Variants in PTPRM observed in about 807,000 individuals in gnomAD.
The protein encoded by PTPRM is protein tyrosine phosphatase receptor type M.
In PTPRM, 47 loss-of-function variants were observed where a neutral mutation model predicts 186.7. The ratio of observed to expected loss-of-function variants is 0.25; its 90% confidence interval spans 0.20 to 0.32. The LOEUF (loss-of-function observed/expected upper bound fraction) is 0.32. Ranked by LOEUF, PTPRM falls within the 10% of genes least tolerant of loss-of-function variation. The probability of loss-of-function intolerance (pLI) is 1.00; values close to 1 mark genes in which losing one functional copy is unlikely to be tolerated. For missense variants in PTPRM, 1,494 were observed against 1,865.0 expected, an observed-to-expected ratio of 0.80 and a Z score of 3.66; for synonymous variants, 668 against 674.9, an observed-to-expected ratio of 0.99 and a Z score of 0.16.
intron 22 of PTPRM, among the ~76,000 whole-genome samples, chr18:8,320,286 C>T (rs1331954474): frequency 6.6e-6 from 1 of 152,148 alleles, no homozygotes; most frequent in Middle Eastern, 3.4e-3. Flanking sequence ...CAGGCTTGGA[C>T]GAAGGGCAAT....
intron 20 of PTPRM, among the ~76,000 whole-genome samples, chr18:8,306,511 C>T (rs603596): frequency 0.11 from 17,103 of 152,240 alleles, 1,805 homozygotes; most frequent in African/African-American, 0.25. Context: ...TTAAAAACTA[C>T]AGCTCAGGTC....
At chr18:7,863,977 T>C (rs2047532029) in intron 2 of PTPRM, among the ~76,000 whole-genome samples, 1 of 152,278 alleles carries the variant, frequency 6.6e-6, no homozygotes, top group Admixed American at 6.5e-5. Flanking sequence ...TTCATTTGTC[T>C]GTTGGCTGCA....
chr18:7,757,012 A>T (rs1365462802), intron 1 of PTPRM, among the ~76,000 whole-genome samples: 1 of 152,140 alleles, frequency 6.6e-6, no homozygotes, highest in Admixed American at 6.5e-5. Context: ...CGCTGCAGCA[A>T]ACTTTTATTC....
chr18:7,689,562 T>G (rs778639707), intron 1 of PTPRM, among the ~76,000 whole-genome samples: 7 of 152,242 alleles, frequency 4.6e-5, no homozygotes, highest in Non-Finnish European at 8.8e-5. Context: ...TCCTGCTCAT[T>G]TTTTAATCAA....
At chr18:8,355,749 GA>G (rs1261552660) in intron 23 of PTPRM, among the ~76,000 whole-genome samples, 1 of 152,182 alleles carries the variant, frequency 6.6e-6, no homozygotes, top group Non-Finnish European at 1.5e-5. Flanking sequence ...CTAATTTCAG[GA>G]AAAGGGAAAA....
At chr18:7,744,083 A>G (rs1320586100) in intron 1 of PTPRM, among the ~76,000 whole-genome samples, 2 of 152,226 alleles carry the variant, frequency 1.3e-5, no homozygotes, top group African/African-American at 4.8e-5. Context: ...AGAATTACTC[A>G]GTAGAGCTTC....
intron 2 of PTPRM, among the ~76,000 whole-genome samples, chr18:7,842,053 C>T (rs554927369): frequency 6.6e-6 from 1 of 151,914 alleles, no homozygotes; most frequent in South Asian, 2.1e-4. Flanking sequence ...GGTGAGGGCA[C>T]CTGGAGCTGA....
intron 8 of PTPRM, among the ~76,000 whole-genome samples, chr18:8,073,426 T>C (rs996608489): frequency 1.3e-5 from 2 of 152,266 alleles, no homozygotes; most frequent in African/African-American, 2.4e-5. Context: ...TGGCCTGTTT[T>C]AGTTCAACTT....
intron 19 of PTPRM, among the ~76,000 whole-genome samples, chr18:8,287,836 AT>A (rs2094974284): frequency 6.6e-6 from 1 of 152,216 alleles, no homozygotes; most frequent in Admixed American, 6.5e-5. Flanking sequence ...AGCATGACTT[AT>A]AGAAACACAG....
At chr18:7,605,001 A>G (rs902422902) in intron 1 of PTPRM, among the ~76,000 whole-genome samples, 4 of 152,186 alleles carry the variant, frequency 2.6e-5, no homozygotes, top group African/African-American at 9.7e-5. Flanking sequence ...AATTGATACC[A>G]TTTGGAATAC....
In PTPRM at chr18:8,005,173, G is replaced by A. The variant is rs572960661; in HGVS notation, c.1132+49759G>A. The stretch of plus-strand genomic sequence containing the variant: ...AAAATATACTCAAAGGCAGGGCAAC[G>A]AAACTGTAGAAAATGTCTGTCTCAA... On this transcript the variant is annotated intron_variant, in intron 7 of 32. Coordinates refer to ENST00000580170, the MANE Select transcript of PTPRM (RefSeq NM_001105244.2). 1.9e-3 allele frequency among the ~76,000 whole-genome samples: 292 copies of A among 152,294 alleles called. 1 individual carries two copies. The highest frequency in any genetic ancestry group is 6.4e-3 in the East Asian group (33 of 5,182).
chr18:7,912,605 G>T (rs1254277020), intron 4 of PTPRM, among the ~76,000 whole-genome samples: 1 of 152,004 alleles, frequency 6.6e-6, no homozygotes, highest in African/African-American at 2.4e-5. Flanking sequence ...TCCGCCTACC[G>T]GGTTCATGCC....
chr18:7,813,181 T>C (rs564774651), intron 2 of PTPRM, among the ~76,000 whole-genome samples: 16 of 152,266 alleles, frequency 1.1e-4, no homozygotes, highest in African/African-American at 3.9e-4. Context: ...GTACGAGGGA[T>C]AAATGAGTGA....
chr18:8,153,388 T>G (rs1285894900), intron 14 of PTPRM, among the ~76,000 whole-genome samples: 1 of 152,190 alleles, frequency 6.6e-6, no homozygotes, highest in Non-Finnish European at 1.5e-5. Flanking sequence ...AATTATGCAT[T>G]GAAGAGATGC....
At chr18:7,721,572 GT>G (rs2040447573) in intron 1 of PTPRM, among the ~76,000 whole-genome samples, 1 of 152,056 alleles carries the variant, frequency 6.6e-6, no homozygotes, top group Non-Finnish European at 1.5e-5. Context: ...GAGTGATACA[GT>G]TTCACCTCTT....
chr18:8,169,264 T>A (rs1462503400), intron 14 of PTPRM, among the ~76,000 whole-genome samples: 1 of 151,876 alleles, frequency 6.6e-6, no homozygotes, highest in African/African-American at 2.4e-5. Context: ...TAAAAGGTCC[T>A]ATAGCAGTAT....
Position 8,214,391 on chromosome 18 carries a change from A to T in PTPRM, c.2301-29667A>T, listed in dbSNP as rs557912089. Among the ~76,000 whole-genome samples the T allele has an allele frequency of 3.3e-5, 5 of 152,344 alleles. No individual in the cohort carries two copies. In the East Asian group the frequency reaches 9.6e-4, roughly 29 times the overall value. ...TGACAATATTAGGTAGCAATTTCTG[A>T]ACCACAGCTTTGAAAATTTGAGCAA... On this transcript the variant is annotated intron_variant, in intron 14 of 32. Transcript: ENST00000580170.
chr18:7,983,717 G>A (rs184073420), intron 7 of PTPRM, among the ~76,000 whole-genome samples: 1 of 152,166 alleles, frequency 6.6e-6, no homozygotes, highest in African/African-American at 2.4e-5. Context: ...CAACATATTT[G>A]CCTGTCTTCT....
intron 9 of PTPRM, among the ~76,000 whole-genome samples, 191 bp from the exon 10 acceptor site, chr18:8,085,480 T>A (rs2090384377): frequency 6.6e-6 from 1 of 152,172 alleles, no homozygotes; most frequent in African/African-American, 2.4e-5. Flanking sequence ...TTCCCCTGTC[T>A]ATAAAAGTAA....
Sources: gnomAD v4.1 joint callset for allele counts (sites outside exome capture counted in the v4.1 genomes callset) on GRCh38, gnomAD v4.1.1 for gene constraint, MANE v1.5 for transcripts, NCBI Gene and HGNC (gene_info 2026-07-23, HGNC 2026-07-21) for gene names.